The following SGCZ variants were observed in gnomAD, a reference collection of about 807,000 sequenced individuals.
The protein encoded by SGCZ is zeta-sarcoglycan.
Under a neutral mutation model 41.3 loss-of-function variants are expected in SGCZ, and 40 were observed. That is an observed-to-expected ratio of 0.97 (90% CI 0.75 to 1.26). SGCZ has a LOEUF of 1.26. SGCZ is among the 50% of genes most tolerant of loss of function. SGCZ has a pLI of 0.00. For synonymous variants in SGCZ, 206 were observed against 137.5 expected (o/e 1.50, Z -3.49); for missense variants, 552 against 369.8 (o/e 1.49, Z -4.04).
chr8:14,658,072 T>C (rs1020890806), intron 1 of SGCZ, among the ~76,000 whole-genome samples: 2 of 152,146 alleles, frequency 1.3e-5, no homozygotes, highest in Admixed American at 1.3e-4. Context: ...GGACACAACA[T>C]TATGCCATGT....
At chr8:14,896,264 TG>T (rs1203308898) in intron 1 of SGCZ, among the ~76,000 whole-genome samples, 1 of 152,156 alleles carries the variant, frequency 6.6e-6, no homozygotes, top group African/African-American at 2.4e-5. Context: ...TAGTTGCCCC[TG>T]TTAACTTCAA....
At chr8:15,172,672 T>C (rs1396885575) in intron 1 of SGCZ, among the ~76,000 whole-genome samples, 5 of 152,160 alleles carry the variant, frequency 3.3e-5, no homozygotes, top group African/African-American at 4.8e-5. Context: ...TCCTAACCAA[T>C]ACACTTGGTC....
At chr8:15,020,633 AAAT>A (rs1407302367) in intron 1 of SGCZ, among the ~76,000 whole-genome samples, 1 of 152,224 alleles carries the variant, frequency 6.6e-6, no homozygotes, top group Non-Finnish European at 1.5e-5. Context: ...GGACAATATT[AAAT>A]AATATAACTG....
chr8:14,938,107 A>T (rs1563376720), intron 1 of SGCZ, among the ~76,000 whole-genome samples: 1 of 152,180 alleles, frequency 6.6e-6, no homozygotes, highest in South Asian at 2.1e-4. Context: ...TTATATTTGT[A>T]AAATGTTTTT....
intron 1 of SGCZ, among the ~76,000 whole-genome samples, chr8:15,206,452 C>CTTTTTTT (rs3069943): frequency 4.8e-5 from 7 of 144,380 alleles, no homozygotes; most frequent in East Asian, 2.0e-4. Flanking sequence ...TCTGGGGAGT[C>CTTTTTTT]TTTTTTTTTT....
At chr8:14,900,804 T>C (rs867190886) in intron 1 of SGCZ, among the ~76,000 whole-genome samples, 2 of 152,198 alleles carry the variant, frequency 1.3e-5, no homozygotes, top group African/African-American at 2.4e-5. Flanking sequence ...AAAGGTAACA[T>C]AGCCAAAATT....
chr8:14,851,762 G>C (rs1803336221), intron 1 of SGCZ, among the ~76,000 whole-genome samples: 1 of 152,002 alleles, frequency 6.6e-6, no homozygotes, highest in South Asian at 2.1e-4. Context: ...TAATGCTGGA[G>C]ATGTTTGGAC....
chr8:14,687,668 T>C (rs36190311), intron 1 of SGCZ, among the ~76,000 whole-genome samples: 53,329 of 151,258 alleles, frequency 0.35, 11,844 homozygotes, highest in African/African-American at 0.64. Flanking sequence ...TGTGCATGTG[T>C]CTTTATAGCA....
At chr8:14,465,271 A>G (rs1046847347) in intron 2 of SGCZ, among the ~76,000 whole-genome samples, 2 of 151,712 alleles carry the variant, frequency 1.3e-5, no homozygotes, top group Non-Finnish European at 3.0e-5. Flanking sequence ...AAATGTTTAT[A>G]GTTATTAAAT....
intron 3 of SGCZ, among the ~76,000 whole-genome samples, chr8:14,293,737 G>C (rs1356531381): frequency 6.6e-6 from 1 of 151,764 alleles, no homozygotes; most frequent in Non-Finnish European, 1.5e-5. Context: ...CTGAGATGTA[G>C]AATTCTTTTC....
intron 2 of SGCZ, among the ~76,000 whole-genome samples, chr8:14,422,205 C>A (rs535566810): frequency 6.6e-6 from 1 of 152,142 alleles, no homozygotes; most frequent in Non-Finnish European, 1.5e-5. Flanking sequence ...ATGAGATAAA[C>A]ATTTTATTCA....
intron 1 of SGCZ, among the ~76,000 whole-genome samples, chr8:14,753,031 T>G (rs1799548226): frequency 6.6e-6 from 1 of 151,972 alleles, no homozygotes; most frequent in African/African-American, 2.4e-5. Flanking sequence ...TACTGTAATT[T>G]TCATTCTATG....
intron 1 of SGCZ, among the ~76,000 whole-genome samples, chr8:15,227,123 G>T (rs1404422310): frequency 1.3e-5 from 2 of 152,162 alleles, no homozygotes; most frequent in Non-Finnish European, 2.9e-5. Context: ...GGTGGGAGGT[G>T]CCCATACATA....
At chr8:14,460,206 A>C (rs549871082) in intron 2 of SGCZ, among the ~76,000 whole-genome samples, 1 of 152,326 alleles carries the variant, frequency 6.6e-6, no homozygotes, top group East Asian at 1.9e-4. Context: ...TTTCAAAATA[A>C]TAAACAAAAA....
At chr8:14,591,910 C>CT (rs1301864142) in intron 1 of SGCZ, among the ~76,000 whole-genome samples, 6 of 152,092 alleles carry the variant, frequency 3.9e-5, no homozygotes, top group African/African-American at 1.2e-4. Context: ...ACTACAGGGA[C>CT]TTCATTACAG....
At chr8:14,774,491 G>A (rs893664077) in intron 1 of SGCZ, among the ~76,000 whole-genome samples, 4 of 152,200 alleles carry the variant, frequency 2.6e-5, no homozygotes, top group African/African-American at 7.2e-5. Flanking sequence ...TAAATCCAGT[G>A]AGATAGAAAC....
intron 1 of SGCZ, among the ~76,000 whole-genome samples, chr8:15,082,159 G>A (rs1046985061): frequency 6.6e-6 from 1 of 151,934 alleles, no homozygotes; most frequent in Non-Finnish European, 1.5e-5. Flanking sequence ...AACCCAGGAG[G>A]CAGAGTTTGC....
chr8:15,206,779 T>A (rs1585673975), intron 1 of SGCZ, among the ~76,000 whole-genome samples: 1 of 135,534 alleles, frequency 7.4e-6, no homozygotes, highest in South Asian at 2.4e-4. Flanking sequence ...CTAAAGAGAT[T>A]TTTTTTTTCT....
intron 2 of SGCZ, among the ~76,000 whole-genome samples, chr8:14,475,282 T>G (rs986424024): frequency 6.6e-6 from 1 of 152,266 alleles, no homozygotes; most frequent in South Asian, 2.1e-4. Flanking sequence ...AAGTGGTATG[T>G]TTTCCAATTC....
Sources: gnomAD v4.1 joint callset for allele counts (sites outside exome capture counted in the v4.1 genomes callset) on GRCh38, gnomAD v4.1.1 for gene constraint, MANE v1.5 for transcripts, NCBI Gene and HGNC (gene_info 2026-07-23, HGNC 2026-07-21) for gene names.